Variants in APCDD1 observed in about 807,000 individuals in gnomAD.
APCDD1 encodes APC down-regulated 1, also known as protein APCDD1.
APCDD1 carries 15 observed loss-of-function variants against 38.1 expected under a neutral mutation model. The observed-to-expected ratio is 0.39, with a 90% CI of 0.26 to 0.61. The LOEUF is 0.61. Among genes scored for constraint, APCDD1 ranks in the 20% least tolerant of loss-of-function variants. The pLI, the probability that APCDD1 is intolerant of heterozygous loss-of-function variation, is 0.49. For missense variants in APCDD1, 647 were observed against 696.2 expected, an observed-to-expected ratio of 0.93 and a Z score of 0.79; for synonymous variants, 261 against 279.7, an observed-to-expected ratio of 0.93 and a Z score of 0.67.
intron 3 of APCDD1, among the ~76,000 whole-genome samples, chr18:10,481,833 A>C (rs1661808885): frequency 6.7e-6 from 1 of 150,152 alleles, no homozygotes; most frequent in Non-Finnish European, 1.5e-5. Context: ...GACAAAAAAA[A>C]CAAACAAAAA....
At chr18:10,487,132 A>C (rs1409555403) in intron 4 of APCDD1, among the ~76,000 whole-genome samples, 1 of 152,232 alleles carries the variant, frequency 6.6e-6, no homozygotes, top group East Asian at 1.9e-4. Flanking sequence ...TGAGAATGCC[A>C]ACCAGAATAG....
chr18:10,466,275 G>A (rs190648484), intron 1 of APCDD1, among the ~76,000 whole-genome samples: 1 of 152,318 alleles, frequency 6.6e-6, no homozygotes, highest in Admixed American at 6.5e-5. Flanking sequence ...GCTGGCAGAG[G>A]TCCAGTAAGC....
chr18:10,478,297 C>T (rs763692992), intron 3 of APCDD1, among the ~76,000 whole-genome samples: 6 of 152,244 alleles, frequency 3.9e-5, no homozygotes, highest in African/African-American at 4.8e-5. Context: ...ACAGAGGTGC[C>T]TGCATCCTGG....
At position 10,469,144 on chromosome 18, in the gene APCDD1, A is replaced by G. The variant is rs184907824; in HGVS notation, c.242+492A>G. On this transcript the variant is annotated intron_variant, in intron 2 of 4. Transcript: ENST00000355285. This position sits in a 1 kb window ranked among gnomAD's most constrained non-coding sequence, Gnocchi z 5.5. ...TTCTTTTCCATGCTATGAAGCTGAGATTTATCCCAGTTTGAGCTCTGGCTT... is the reference window on the plus strand; with the variant it reads ...TTCTTTTCCATGCTATGAAGCTGAGGTTTATCCCAGTTTGAGCTCTGGCTT... 5.9e-4 allele frequency among the ~76,000 whole-genome samples: 90 copies of G among 152,280 alleles called. No homozygotes were observed. The highest frequency in any genetic ancestry group is 1.8e-3 in the African/African-American group (75 of 41,550).
chr18:10,462,917 CA>C (rs57381372), intron 1 of APCDD1, among the ~76,000 whole-genome samples: 46,572 of 151,616 alleles, frequency 0.31, 9,480 homozygotes, highest in African/African-American at 0.59. Flanking sequence ...CATGTCCCTC[CA>C]AAAAAACCAG....
rs754478741 is a variant in APCDD1 at position 10,487,724 on chromosome 18, G to A, written c.1231G>A (p.Val411Met). ...GGATGTGACCCACACCAATGGCTGC[G>A]TGGCCCTGGGCATCAAACTACCTCA... ...QQDVTHTNGC[V>M]ALGIKLPHTE... is the part of the protein sequence containing the mutation. The change falls in exon 5 of 5, where the codon GTG becomes ATG. Residue 411 changes from valine (V) to methionine (M), a missense_variant. Physicochemically the swap from Val to Met is conservative, Grantham distance 21. Coordinates refer to ENST00000355285, the MANE Select transcript of APCDD1 (RefSeq NM_153000.5). 2.2e-5 allele frequency: 35 copies of A among 1,614,022 alleles called. No homozygotes were observed. The highest frequency in any genetic ancestry group is 3.3e-5 in the Admixed American group (2 of 59,998).
chr18:10,460,028 G>A (rs1162842318), intron 1 of APCDD1, among the ~76,000 whole-genome samples: 1 of 152,140 alleles, frequency 6.6e-6, no homozygotes, highest in Non-Finnish European at 1.5e-5. Flanking sequence ...TTAAGCCTTA[G>A]AGTACATGTA....
At chr18:10,481,014 G>T (rs1454593236) in intron 3 of APCDD1, among the ~76,000 whole-genome samples, 1 of 152,170 alleles carries the variant, frequency 6.6e-6, no homozygotes, top group Non-Finnish European at 1.5e-5. Flanking sequence ...CAGTAGGATG[G>T]CTATTACAAA....
rs1456541982 is a variant in APCDD1 at position 10,472,590 on chromosome 18, C to G, written c.774+529C>G. 5.3e-5 allele frequency among the ~76,000 whole-genome samples: 8 copies of G among 152,160 alleles called. No individual in the cohort carries two copies. The highest frequency in any genetic ancestry group is 1.2e-4 in the Non-Finnish European group (8 of 68,020). Reference sequence around the variant, plus strand: ...TGAGTCCCGACACTCTTAGGCAGAACAGCCTGCTGAGGTCCCAGGGGTTAT... The same window carrying G: ...TGAGTCCCGACACTCTTAGGCAGAAGAGCCTGCTGAGGTCCCAGGGGTTAT... On this transcript the variant is annotated intron_variant, in intron 3 of 4. Coordinates refer to ENST00000355285, the MANE Select transcript of APCDD1 (RefSeq NM_153000.5). The surrounding 1 kb of genome is among the most constrained non-coding windows in gnomAD (Gnocchi z 6.6).
In APCDD1 at chr18:10,462,465, C is replaced by T. The variant is rs2030575318; in HGVS notation, c.59-6004C>T. On this transcript the variant is annotated intron_variant, in intron 1 of 4. Transcript: ENST00000355285. Reference sequence around the variant, plus strand: ...TCTCTCCTTTCCTCCCTCCCTCCCTCCCTCCTTCCTTCCTTCCTGTGACCC... The same window carrying T: ...TCTCTCCTTTCCTCCCTCCCTCCCTTCCTCCTTCCTTCCTTCCTGTGACCC... 1.2e-4 allele frequency among the ~76,000 whole-genome samples: 5 copies of T among 40,468 alleles called. 1 individual carries two copies. The South Asian group carries it at 4.6e-3, about 37-fold the overall frequency. 26.5% of individuals were successfully genotyped at this position (40,468 alleles called of 152,430 possible).
At chr18:10,464,658 C>A (rs2030662672) in intron 1 of APCDD1, among the ~76,000 whole-genome samples, 1 of 152,160 alleles carries the variant, frequency 6.6e-6, no homozygotes, top group African/African-American at 2.4e-5. Flanking sequence ...TAGCTTCAAG[C>A]TGTCCTTCCA....
intron 1 of APCDD1, among the ~76,000 whole-genome samples, chr18:10,461,241 G>A (rs1265919584): frequency 6.6e-6 from 1 of 151,942 alleles, no homozygotes. Context: ...TCTGGATATG[G>A]TTGTCTATAA....
intron 1 of APCDD1, among the ~76,000 whole-genome samples, chr18:10,461,375 T>G (rs2030536602): frequency 6.6e-6 from 1 of 152,222 alleles, no homozygotes; most frequent in African/African-American, 2.4e-5. Flanking sequence ...AATAATTTTA[T>G]CAGGGCCCAG....
chr18:10,471,717 G>T lies in APCDD1; in HGVS notation c.430G>T (p.Asp144Tyr). 1 of 1,614,104 alleles carries T rather than the reference G, an allele frequency of 6.2e-7. No individual in the cohort carries two copies. The change falls in exon 3 of 5, where the codon GAC becomes TAC. Residue 144 changes from aspartate to tyrosine, a missense_variant. Transcript: ENST00000355285. The surrounding 1 kb of genome is among the most constrained non-coding windows in gnomAD (Gnocchi z 5.5). ...GATCATCCGAGGGGGCACGGAAGCC[G>T]ACTACCAGCTGCACAACGTCCAGGT... Reference protein sequence around the residue: ...SWIIRGGTEADYQLHNVQVIC... With the variant: ...SWIIRGGTEAYYQLHNVQVIC...
intron 3 of APCDD1, among the ~76,000 whole-genome samples, chr18:10,473,477 G>A (rs1187828133): frequency 2.0e-5 from 3 of 152,208 alleles, no homozygotes; most frequent in Non-Finnish European, 4.4e-5. Flanking sequence ...CAAATGCACT[G>A]AAGAGGCCAA....
chr18:10,454,916 C>G lies in APCDD1; in HGVS notation c.-66C>G. The G allele has an allele frequency of 4.8e-6, 7 of 1,455,006 alleles. No homozygotes were observed. Among genetic ancestry groups the G allele is most frequent in the Non-Finnish European group, 6.4e-6 (7 of 1,097,826 alleles). The allele number at this position is 1,455,006 out of a possible 1,614,324, so 90.1% of individuals were successfully genotyped here. ...CCGGCCGGAGGCGGAGGGCAGAGCG[C>G]GCGCCCAGTTGCCCGGGCACCAAAT... On this transcript the variant is annotated 5_prime_UTR_variant, in exon 1 of 5. Coordinates refer to ENST00000355285, the MANE Select transcript of APCDD1 (RefSeq NM_153000.5).
intron 2 of APCDD1, 79 bp downstream of exon 2, chr18:10,468,731 A>G (rs1465166465): frequency 7.0e-7 from 1 of 1,429,254 alleles, no homozygotes; most frequent in Non-Finnish European, 9.8e-7. Context: ...TCTCAGATGC[A>G]GAGACTTTAT....
chr18:10,479,204 T>C (rs2031077695), intron 3 of APCDD1, among the ~76,000 whole-genome samples: 2 of 152,234 alleles, frequency 1.3e-5, no homozygotes, highest in East Asian at 3.9e-4. Flanking sequence ...CATTGGCCAC[T>C]GCAGGTTTCT....
At chr18:10,484,980 T>TTTTTG (rs781499849) in intron 3 of APCDD1, among the ~76,000 whole-genome samples, 14 of 152,288 alleles carry the variant, frequency 9.2e-5, no homozygotes, top group South Asian at 6.2e-4. Context: ...GTTTTGTTGT[T>TTTTTG]TTTTGTTTTG....
Sources: gnomAD v4.1 joint callset for allele counts (sites outside exome capture counted in the v4.1 genomes callset) on GRCh38, gnomAD v4.1.1 for gene constraint, Gnocchi (gnomAD v3.1) non-coding constraint, MANE v1.5 for transcripts, NCBI Gene and HGNC (gene_info 2026-07-23, HGNC 2026-07-21) for gene names.